Variants in NR5A1 observed in about 807,000 individuals in gnomAD.
The protein encoded by NR5A1 is steroidogenic factor 1.
A neutral mutation model predicts 42.7 loss-of-function variants in NR5A1; 6 were observed. The ratio of observed to expected loss-of-function variants is 0.14; its 90% CI spans 0.08 to 0.28. NR5A1 has a LOEUF of 0.28. NR5A1 is among the 10% of genes least tolerant of loss of function. The pLI, the probability that NR5A1 is intolerant of heterozygous loss-of-function variation, is 1.00. For synonymous variants in NR5A1, 274 were observed against 277.5 expected, an observed-to-expected ratio of 0.99 and a Z score of 0.12; for missense variants, 442 against 626.4, an observed-to-expected ratio of 0.71 and a Z score of 3.14.
chr9:124,487,493 T>C (rs1191770676), intron 6 of NR5A1, among the ~76,000 whole-genome samples: 1 of 152,236 alleles, frequency 6.6e-6, no homozygotes, highest in East Asian at 1.9e-4. Context: ...ATAAATACCG[T>C]GATTGCCAGG....
chr9:124,489,623 G>A (rs1208357647), intron 6 of NR5A1, among the ~76,000 whole-genome samples: 1 of 152,172 alleles, frequency 6.6e-6, no homozygotes, highest in Non-Finnish European at 1.5e-5. Flanking sequence ...AGGCTGCGGG[G>A]AAGGTGCCGT....
Position 124,504,091 on chromosome 9 carries a change from T to C in NR5A1, c.-15-681A>G, listed in dbSNP as rs1287390462. ...AGAGAGAGAAACGAGGGGTGGGGGA[T>C]TGGATCAGAGACTCGGAGAGACAGC... On this transcript the variant is annotated intron_variant, in intron 1 of 6. Coordinates refer to ENST00000373588, the MANE Select transcript of NR5A1 (RefSeq NM_004959.5). 3.5e-5 allele frequency among the ~76,000 whole-genome samples: 4 copies of C among 112,698 alleles called. No homozygotes were observed. In the South Asian group the frequency reaches 1.1e-3, roughly 32 times the overall value. 73.9% of individuals were successfully genotyped at this position (112,698 alleles called of 152,430 possible).
intron 6 of NR5A1, among the ~76,000 whole-genome samples, chr9:124,485,812 G>C (rs1178552197): frequency 6.6e-6 from 1 of 152,182 alleles, no homozygotes; most frequent in Non-Finnish European, 1.5e-5. Flanking sequence ...ACCTAGCTGA[G>C]CTCCTGCTGG....
intron 4 of NR5A1, among the ~76,000 whole-genome samples, chr9:124,494,573 G>C (rs370021010): frequency 6.6e-6 from 1 of 152,222 alleles, no homozygotes; most frequent in Non-Finnish European, 1.5e-5. Flanking sequence ...CTGGTGTTCA[G>C]CTCTTCTCTG....
intron 6 of NR5A1, among the ~76,000 whole-genome samples, chr9:124,489,870 C>T (rs765823402): frequency 1.3e-5 from 2 of 151,898 alleles, no homozygotes; most frequent in African/African-American, 4.8e-5. Context: ...CTGCCAGAAT[C>T]GGGAGACCCA....
chr9:124,491,642 C>T (rs984067177), intron 5 of NR5A1, among the ~76,000 whole-genome samples: 1 of 152,074 alleles, frequency 6.6e-6, no homozygotes, highest in African/African-American at 2.4e-5. Context: ...CCCCCATGTT[C>T]ACACCTACAC....
At chr9:124,485,241 T>G (rs896466244) in intron 6 of NR5A1, among the ~76,000 whole-genome samples, 1 of 152,116 alleles carries the variant, frequency 6.6e-6, no homozygotes, top group African/African-American at 2.4e-5. Flanking sequence ...AGCCTGGCCT[T>G]GCCTGGGATG....
intron 4 of NR5A1, among the ~76,000 whole-genome samples, chr9:124,495,352 C>T (rs570820935): frequency 7.2e-5 from 11 of 152,332 alleles, no homozygotes; most frequent in Admixed American, 4.6e-4. Flanking sequence ...TCACCAGGCA[C>T]GGCGCCCAGT....
Position 124,490,578 on chromosome 9 carries a change from G to A in NR5A1, c.1138+503C>T, listed in dbSNP as rs76723927. Among the ~76,000 whole-genome samples, 45 of 152,248 alleles carry A rather than the reference G, an allele frequency of 3.0e-4. No homozygotes were observed. In the East Asian group the frequency reaches 7.5e-3, roughly 25 times the overall value. On this transcript the variant is annotated intron_variant, in intron 6 of 6. Transcript: ENST00000373588. ...CTGCCTAATCGTGTTAGGAACCTAC[G>A]TCTTACTAATCATATTATGCTCATG...
At chr9:124,490,479 G>T (rs973791718) in intron 6 of NR5A1, among the ~76,000 whole-genome samples, 13 of 152,240 alleles carry the variant, frequency 8.5e-5, no homozygotes, top group African/African-American at 2.9e-4. Context: ...GGCTGGGCTG[G>T]GCCAGGCCTG....
intron 1 of NR5A1, among the ~76,000 whole-genome samples, chr9:124,505,001 C>T (rs1182627045): frequency 6.6e-6 from 1 of 151,372 alleles, no homozygotes; most frequent in South Asian, 2.1e-4. Context: ...GCGCCGGGGC[C>T]GGGGGCCGGC....
At chr9:124,494,536 A>AT (rs1359519440) in intron 4 of NR5A1, among the ~76,000 whole-genome samples, 1 of 152,186 alleles carries the variant, frequency 6.6e-6, no homozygotes, top group Non-Finnish European at 1.5e-5. Flanking sequence ...GTCTTCACCA[A>AT]TACCTGTGAG....
chr9:124,489,695 C>G (rs1832273303), intron 6 of NR5A1, among the ~76,000 whole-genome samples: 1 of 152,074 alleles, frequency 6.6e-6, no homozygotes, highest in Non-Finnish European at 1.5e-5. Context: ...GTCCCTGAGG[C>G]TCCTGTAAGG....
chr9:124,490,420 C>G (rs893249028), intron 6 of NR5A1, among the ~76,000 whole-genome samples: 3 of 152,052 alleles, frequency 2.0e-5, no homozygotes, highest in African/African-American at 7.3e-5. Context: ...GTCAGGAGGG[C>G]AACGGGAAGG....
Position 124,489,750 on chromosome 9 carries a change from C to T in NR5A1, c.1138+1331G>A, listed in dbSNP as rs553389259. Reference sequence around the variant, plus strand: ...AACTGGCTGCCCAAGATCCTACCCGCCCCCCACCCCAATGGCTGTCCCCTG... The same window carrying T: ...AACTGGCTGCCCAAGATCCTACCCGTCCCCCACCCCAATGGCTGTCCCCTG... On this transcript the variant is annotated intron_variant, in intron 6 of 6. Transcript: ENST00000373588. 8.3e-5 allele frequency among the ~76,000 whole-genome samples: 11 copies of T among 132,228 alleles called. No homozygotes were observed. The South Asian group carries it at 1.7e-3, about 21-fold the overall frequency. The allele number at this position is 132,228 out of a possible 152,430, so 86.7% of individuals were successfully genotyped here.
chr9:124,488,142 G>GCT (rs1832250595), intron 6 of NR5A1, among the ~76,000 whole-genome samples: 1 of 145,472 alleles, frequency 6.9e-6, no homozygotes, highest in Admixed American at 6.8e-5. Flanking sequence ...AGTGCTGCTT[G>GCT]TTTTTTTTTC....
At position 124,503,441 on chromosome 9, in the gene NR5A1, G is replaced by A. The variant is rs1416930521; in HGVS notation, c.-15-31C>T. 4 of 1,546,116 alleles carry A rather than the reference G, an allele frequency of 2.6e-6. No homozygotes were observed. The highest frequency in any genetic ancestry group is 3.5e-6 in the Non-Finnish European group (4 of 1,141,922). ...GAGGGACAGCGGGTCAGGGAGGGCC[G>A]GCGGAGACCGGCAGCCTGGGGTCCC... On this transcript the variant is annotated intron_variant, in intron 1 of 6. Coordinates refer to ENST00000373588, the MANE Select transcript of NR5A1 (RefSeq NM_004959.5). This position sits in a 1 kb window ranked among gnomAD's most constrained non-coding sequence, Gnocchi z 9.6.
chr9:124,503,162 C>T lies in NR5A1; in HGVS notation c.161G>A (p.Ser54Asn). 6.2e-7 allele frequency: 1 copy of T among 1,600,572 alleles called. No individual in the cohort carries two copies. Among genetic ancestry groups the T allele is most frequent in the South Asian group, 1.1e-5 (1 of 88,846 alleles). ...GCGCTGCGTCTTGTCGATCTTGCAG[C>T]TCTGGCTCTCGGTGCACGTGTAGTG... The part of the protein sequence containing the change: ...NKHYTCTESQ[S>N]CKIDKTQRKR... The change falls in exon 3 of 7, where the codon AGC (serine) becomes AAC (asparagine). Residue 54 changes from serine (S) to asparagine (N), a missense_variant. Ser to Asn is a conservative substitution (Grantham distance 46). Transcript: ENST00000373588. This position sits in a 1 kb window ranked among gnomAD's most constrained non-coding sequence, Gnocchi z 9.6.
At chr9:124,495,601 G>T (rs542345168) in intron 4 of NR5A1, among the ~76,000 whole-genome samples, 1 of 152,314 alleles carries the variant, frequency 6.6e-6, no homozygotes, top group South Asian at 2.1e-4. Flanking sequence ...CCAGGTGGTG[G>T]TGCAGGGCCA....
Sources: gnomAD v4.1 joint callset for allele counts (sites outside exome capture counted in the v4.1 genomes callset) on GRCh38, gnomAD v4.1.1 for gene constraint, Gnocchi (gnomAD v3.1) non-coding constraint, MANE v1.5 for transcripts, NCBI Gene and HGNC (gene_info 2026-07-23, HGNC 2026-07-21) for gene names.